CDC42BPA: variants seen among roughly 807,000 people sequenced by gnomAD.
CDC42BPA encodes CDC42 binding protein kinase alpha.
CDC42BPA carries 80 observed loss-of-function variants against 223.5 expected under a neutral mutation model. The ratio of observed to expected loss-of-function variants is 0.36; its 90% CI spans 0.30 to 0.43. CDC42BPA has a LOEUF of 0.43. Among genes scored for constraint, CDC42BPA ranks in the 20% least tolerant of loss-of-function variants. The pLI is 1.00. For missense variants in CDC42BPA, 1,743 were observed against 2,099.9 expected (o/e 0.83, Z 3.32); for synonymous variants, 694 against 718.6 (o/e 0.97, Z 0.55).
intron 24 of CDC42BPA, among the ~76,000 whole-genome samples, chr1:227,036,287 C>T (rs1190935194): frequency 6.6e-6 from 1 of 152,118 alleles, no homozygotes. Context: ...CCAAACATCT[C>T]AATGCACTTT....
chr1:227,220,610 G>C (rs1675732446), intron 2 of CDC42BPA, among the ~76,000 whole-genome samples: 1 of 151,734 alleles, frequency 6.6e-6, no homozygotes, highest in East Asian at 1.9e-4. Context: ...TTAATGACCT[G>C]GTTGCCTACT....
chr1:227,003,570 A>T (rs1663350812), intron 35 of CDC42BPA, among the ~76,000 whole-genome samples: 1 of 152,188 alleles, frequency 6.6e-6, no homozygotes, highest in African/African-American at 2.4e-5. Context: ...TACTTTTTTA[A>T]ATCAGCCAGA....
chr1:227,124,712 T>C (rs1490819608), intron 11 of CDC42BPA, among the ~76,000 whole-genome samples: 1 of 152,062 alleles, frequency 6.6e-6, no homozygotes, highest in Non-Finnish European at 1.5e-5. Context: ...TGCATAATAA[T>C]GAAGGGCCTT....
At chr1:227,153,414 A>T (rs1385594712) in intron 6 of CDC42BPA, among the ~76,000 whole-genome samples, 1 of 151,982 alleles carries the variant, frequency 6.6e-6, no homozygotes, top group Non-Finnish European at 1.5e-5. Flanking sequence ...TGAATATTAA[A>T]AAGGCATATC....
chr1:227,004,768 T>C (rs16846798), intron 35 of CDC42BPA: 9,143 of 609,216 alleles, frequency 0.015, 360 homozygotes, highest in African/African-American at 0.1. Context: ...ATCATATTTG[T>C]CTGTCTCCCA....
At position 227,049,428 on chromosome 1, in the gene CDC42BPA, A is replaced by T. The variant is rs528201420; in HGVS notation, c.3010-1418T>A. Among the ~76,000 whole-genome samples the T allele has an allele frequency of 3.3e-5, 5 of 152,232 alleles. No homozygotes were observed. In the South Asian group the frequency reaches 8.3e-4, roughly 25 times the overall value. ...AAACTTTATTGAAGGATATAAGAGA[A>T]TCCCTAATATGTATACCATGTTCAT... On this transcript the variant is annotated intron_variant, in intron 22 of 36. Transcript: ENST00000366766.
intron 15 of CDC42BPA, among the ~76,000 whole-genome samples, chr1:227,099,693 A>G (rs1208371838): frequency 1.3e-5 from 2 of 152,074 alleles, no homozygotes. Flanking sequence ...TAAAAAACTT[A>G]TTCTTCTCCA....
Position 227,024,400 on chromosome 1 carries a change from T to C in CDC42BPA, c.4531-1053A>G, listed in dbSNP as rs905532909. ...GGTACAATTACTTTGGAAAATAATA[T>C]GACACTATCTCATAAAGCTGACTGA... On this transcript the variant is annotated intron_variant, in intron 31 of 36. Coordinates refer to ENST00000366766, the MANE Select transcript of CDC42BPA (RefSeq NM_001394014.1). Among the ~76,000 whole-genome samples, 3 of 152,308 alleles carry C rather than the reference T, an allele frequency of 2.0e-5. No homozygotes were observed. The East Asian group carries it at 5.8e-4, about 29-fold the overall frequency.
intron 21 of CDC42BPA, chr1:227,059,260 T>C (rs926976085): frequency 6.1e-6 from 5 of 819,940 alleles, no homozygotes; most frequent in Admixed American, 2.2e-5. Flanking sequence ...AAGCATGCAA[T>C]AGATGTAATA....
chr1:227,125,537 C>T (rs1043635483), intron 11 of CDC42BPA, among the ~76,000 whole-genome samples: 10 of 147,386 alleles, frequency 6.8e-5, no homozygotes, highest in African/African-American at 2.5e-4. Context: ...ATGGTAGTTG[C>T]AGTGAGCTGA....
chr1:227,280,776 T>A (rs1483483908), intron 1 of CDC42BPA, among the ~76,000 whole-genome samples: 1 of 152,250 alleles, frequency 6.6e-6, no homozygotes, highest in Non-Finnish European at 1.5e-5. Context: ...TGGACTGCAT[T>A]CTGGAAGTTC....
chr1:227,312,042 CA>C (rs2148825433), intron 1 of CDC42BPA, among the ~76,000 whole-genome samples: 1 of 152,338 alleles, frequency 6.6e-6, no homozygotes, highest in African/African-American at 2.4e-5. Context: ...ATTTTTATCT[CA>C]ACCTATAGTA....
At chr1:227,285,595 G>A (rs542921022) in intron 1 of CDC42BPA, among the ~76,000 whole-genome samples, 1 of 152,272 alleles carries the variant, frequency 6.6e-6, no homozygotes, top group Admixed American at 6.5e-5. Context: ...CTGATACTCT[G>A]CTTATCTTGA....
intron 23 of CDC42BPA, among the ~76,000 whole-genome samples, chr1:227,046,811 T>C (rs1672541288): frequency 1.3e-5 from 2 of 152,116 alleles, no homozygotes; most frequent in African/African-American, 4.8e-5. Flanking sequence ...ATTTTTGGAG[T>C]ATGCTTTACT....
At position 227,280,519 on chromosome 1, in the gene CDC42BPA, A is replaced by G. The variant is rs2148563783; in HGVS notation, c.179-26364T>C. ...GACTGTTCTCAAACAGATGGATTTT[A>G]GAAGACTAATTAGGAAAGCTAAAGA... On this transcript the variant is annotated intron_variant, in intron 1 of 36. Coordinates refer to ENST00000366766, the MANE Select transcript of CDC42BPA (RefSeq NM_001394014.1). Among the ~76,000 whole-genome samples the G allele has an allele frequency of 2.0e-5, 3 of 152,370 alleles. No homozygotes were observed. In the South Asian group the frequency reaches 6.2e-4, roughly 32 times the overall value.
rs1689325358 is a variant in CDC42BPA at position 227,289,385 on chromosome 1, A to C, written c.178+27620T>G. On this transcript the variant is annotated intron_variant, in intron 1 of 36. Transcript: ENST00000366766. ...CCTCTACCTAGGGTGCTCTTACCCA[A>C]GATAGTCACATGGCTGGCACCTTCT... Among the ~76,000 whole-genome samples the C allele has an allele frequency of 2.6e-5, 4 of 152,196 alleles. No homozygotes were observed. In the South Asian group the frequency reaches 8.3e-4, roughly 32 times the overall value.
intron 1 of CDC42BPA, among the ~76,000 whole-genome samples, chr1:227,310,098 C>T (rs184148724): frequency 1.4e-4 from 21 of 152,252 alleles, no homozygotes; most frequent in Admixed American, 1.3e-3. Flanking sequence ...AAACCATGAC[C>T]TTATACTGGA....
intron 2 of CDC42BPA, among the ~76,000 whole-genome samples, chr1:227,214,084 G>A (rs1382005985): frequency 6.6e-6 from 1 of 152,046 alleles, no homozygotes; most frequent in African/African-American, 2.4e-5. Flanking sequence ...GTTACTGGGG[G>A]TTGGTGGGGA....
chr1:227,297,406 C>T (rs1484696554), intron 1 of CDC42BPA, among the ~76,000 whole-genome samples: 2 of 151,300 alleles, frequency 1.3e-5, no homozygotes, highest in Admixed American at 1.3e-4. Flanking sequence ...CATAGAATTA[C>T]TATATGACCC....
Sources: gnomAD v4.1 joint callset for allele counts (sites outside exome capture counted in the v4.1 genomes callset) on GRCh38, gnomAD v4.1.1 for gene constraint, MANE v1.5 for transcripts, NCBI Gene and HGNC (gene_info 2026-07-23, HGNC 2026-07-21) for gene names.